The following PGAP2 variants were observed in gnomAD, a reference collection of about 807,000 sequenced individuals.
PGAP2 encodes acyltransferase PGAP2.
PGAP2 carries 21 observed loss-of-function variants against 33.2 expected under a neutral mutation model. That is an observed-to-expected ratio of 0.63 (90% CI 0.45 to 0.91). The LOEUF is 0.91. PGAP2 is among the 40% of genes least tolerant of loss of function. The pLI, the probability that PGAP2 is intolerant of heterozygous loss-of-function variation, is 0.00. For synonymous variants in PGAP2, 161 were observed against 172.9 expected, an observed-to-expected ratio of 0.93 and a Z score of 0.54; for missense variants, 345 against 424.0, an observed-to-expected ratio of 0.81 and a Z score of 1.64.
At chr11:3,798,018 GGCGCTGCTGGGAAGGCTTCCTA>G in intron 1 of PGAP2, 1 of 1,534,940 alleles carries the variant, frequency 6.5e-7, no homozygotes. Context: ...CCGGTCCGCC[GGCGCTGCTGGGAAGGCTTCCTA>G]GTCTCTCTGC....
intron 3 of PGAP2, among the ~76,000 whole-genome samples, chr11:3,820,660 C>CA (rs112247155): frequency 0.02 from 2,794 of 141,560 alleles, 61 homozygotes; most frequent in African/African-American, 0.063. Context: ...AACTCCATCT[C>CA]AAAAAAAAAA....
Position 3,824,285 on chromosome 11 carries a change from C to G in PGAP2, c.617C>G (p.Ala206Gly). 1 of 1,614,226 alleles carries G rather than the reference C, an allele frequency of 6.2e-7. No individual in the cohort carries two copies. The highest frequency in any genetic ancestry group is 1.1e-5 in the South Asian group (1 of 91,084). Reference sequence around the variant, plus strand: ...TTCCCTCCAGCCATCCACGAAAATGCTTTCATTGTGTTCATTGCCTCATCC... The same window carrying G: ...TTCCCTCCAGCCATCCACGAAAATGGTTTCATTGTGTTCATTGCCTCATCC... ...SSEDFTIHEN[A>G]FIVFIASSLG... The change falls in exon 5 of 7, where the codon GCT (alanine) becomes GGT (glycine). Residue 206 changes from alanine (A) to glycine (G), a missense_variant. Around this residue, in one of 2 missense-constraint regions of PGAP2, gnomAD observed 311 missense variants for 353.6 expected, o/e 0.88. Transcript: ENST00000278243.
intron 3 of PGAP2, among the ~76,000 whole-genome samples, chr11:3,820,405 A>G (rs1311065861): frequency 6.6e-6 from 1 of 152,214 alleles, no homozygotes; most frequent in African/African-American, 2.4e-5. Flanking sequence ...ATGGCTTGGC[A>G]TGTTGGCTCA....
At chr11:3,798,921 G>A (rs867687258) in intron 1 of PGAP2, among the ~76,000 whole-genome samples, 3 of 151,938 alleles carry the variant, frequency 2.0e-5, no homozygotes, top group Non-Finnish European at 4.4e-5. Context: ...GGCCTTACAG[G>A]CGTGAGCCAC....
chr11:3,824,014 C>T lies in PGAP2; in HGVS notation c.480C>T (p.Tyr160=). 1 of 1,614,150 alleles carries T rather than the reference C, an allele frequency of 6.2e-7. No homozygotes were observed. Among genetic ancestry groups the T allele is most frequent in the Non-Finnish European group, 8.5e-7 (1 of 1,180,024 alleles). ...FLVAFAYWNH[Y]LSCTSPCSCY... ...TGGCCTTCGCCTACTGGAACCACTACCTCAGCTGCACCTCCCCGTGTTCCT... is the reference window on the plus strand; with the variant it reads ...TGGCCTTCGCCTACTGGAACCACTATCTCAGCTGCACCTCCCCGTGTTCCT... The change falls in exon 4 of 7, where the codon TAC becomes TAT. Residue 160 remains tyrosine (Y), a synonymous_variant. Transcript: ENST00000278243.
At chr11:3,801,135 C>CA (rs34122688) in intron 1 of PGAP2, among the ~76,000 whole-genome samples, 96,330 of 146,954 alleles carry the variant, frequency 0.66, 32,318 homozygotes, top group East Asian at 0.8. Flanking sequence ...AGTCTGTCTT[C>CA]AAAAAAAAAA....
chr11:3,808,384 A>C, upstream of PGAP2: 1 of 1,546,562 alleles, frequency 6.5e-7, no homozygotes, highest in Non-Finnish European at 8.7e-7. Flanking sequence ...GGCTGCCCTC[A>C]CGCAGCCGAA....
rs1297532547 is a variant in PGAP2, at chr11:3,811,373, C to T, written c.114C>T (p.Ile38=). Residue 38 remains isoleucine, a synonymous_variant, in exon 2 of 7, where the codon ATC becomes ATT. Coordinates refer to ENST00000278243, the MANE Select transcript of PGAP2 (RefSeq NM_014489.4). The surrounding 1 kb of genome is among the most constrained non-coding windows in gnomAD (Gnocchi z 4.6). ...CACTTGTCGCCTTCCTCTTCTGCAT[C>T]CTCTGGTCCCTGCTCTTCCACTTCA... ...CCPLVAFLFC[I]LWSLLFHFKE... is the part of the protein sequence containing the mutation. 6.2e-7 allele frequency: 1 copy of T among 1,614,098 alleles called. No homozygotes were observed. Among genetic ancestry groups the T allele is most frequent in the South Asian group, 1.1e-5 (1 of 91,086 alleles).
At chr11:3,805,983 G>A (rs202192306), upstream of PGAP2, among the ~76,000 whole-genome samples, 14,281 of 144,688 alleles carry the variant, frequency 0.099, 836 homozygotes, top group Middle Eastern at 0.21. Context: ...CCACGCCCCC[G>A]CGAGACCTTG....
chr11:3,823,024 CTTTTTTTTTTTTTTT>C (rs746736798), intron 3 of PGAP2: 1,038 of 307,010 alleles, frequency 3.4e-3, no homozygotes, highest in Middle Eastern at 0.012. Flanking sequence ...TTTTTCTTTT[CTTTTTTTTTTTTTTT>C]TTTTTTTTTT....
chr11:3,820,781 C>T (rs965526063), intron 3 of PGAP2, among the ~76,000 whole-genome samples: 1 of 152,164 alleles, frequency 6.6e-6, no homozygotes, highest in Non-Finnish European at 1.5e-5. Flanking sequence ...CAAGATTATG[C>T]CACTGTACTC....
At chr11:3,806,170 A>G (rs538526430), upstream of PGAP2, among the ~76,000 whole-genome samples, 255 of 152,186 alleles carry the variant, frequency 1.7e-3, 1 homozygote, top group African/African-American at 5.8e-3. Context: ...ACCCAGCCTC[A>G]GGGAATGGTA....
At position 3,824,331 on chromosome 11, in the gene PGAP2, C is replaced by G; in HGVS notation, c.663C>G (p.Thr221=). 1 of 1,614,244 alleles carries G rather than the reference C, an allele frequency of 6.2e-7. No individual in the cohort carries two copies. The highest frequency in any genetic ancestry group is 2.2e-5 in the East Asian group (1 of 44,888). The change falls in exon 5 of 7, where the codon ACC becomes ACG. Residue 221 remains threonine (T), a synonymous_variant. Transcript: ENST00000278243. The part of the protein sequence containing the change: ...IASSLGHMLL[T]CILWRLTKKH... ...CATCCCTCGGGCACATGCTCCTCAC[C>G]TGCATTCTCTGGCGGTTGACCAAGA... is the stretch of plus-strand genomic sequence containing the variant.
At chr11:3,797,927 G>A in exon 1 of PGAP2, 1 of 1,548,118 alleles carries the variant, frequency 6.5e-7, no homozygotes, top group Non-Finnish European at 8.7e-7. Flanking sequence ...TTGGAGCGCC[G>A]CGACTCGGGC....
chr11:3,815,781 G>A (rs1182169472), intron 2 of PGAP2, among the ~76,000 whole-genome samples: 1 of 152,312 alleles, frequency 6.6e-6, no homozygotes, highest in East Asian at 1.9e-4. Context: ...TTCTGCACAG[G>A]TACAGGCTGA....
At position 3,826,262 on chromosome 11, in the gene PGAP2, CT is replaced by C. The variant is rs1168132532; in HGVS notation, c.*805del. The C allele has an allele frequency of 1.3e-5, 2 of 152,200 alleles. No individual in the cohort carries two copies. Among genetic ancestry groups the C allele is most frequent in the Non-Finnish European group, 2.9e-5 (2 of 68,034 alleles). The allele number at this position is 152,200 out of a possible 1,614,324, so 9.4% of individuals were successfully genotyped here. A position where few individuals can be genotyped will look rare whatever the true frequency, so the allele number is the denominator to read the frequency against. Reference sequence around the variant, plus strand: ...AGATCTCTACTGTAAAATGGGCTCCCTGGTATCTCCTGTCTTCCCTACTGCT... The same window carrying C: ...AGATCTCTACTGTAAAATGGGCTCCCGGTATCTCCTGTCTTCCCTACTGCT... On this transcript the variant is annotated 3_prime_UTR_variant, in exon 7 of 7. Coordinates refer to ENST00000278243, the MANE Select transcript of PGAP2 (RefSeq NM_014489.4).
upstream of PGAP2, chr11:3,808,286 T>G: frequency 6.4e-7 from 1 of 1,551,536 alleles, no homozygotes; most frequent in South Asian, 1.2e-5. Flanking sequence ...TTTGTGTTCT[T>G]TCAACAGGTA....
intron 3 of PGAP2, among the ~76,000 whole-genome samples, chr11:3,819,761 T>G (rs1242500347): frequency 6.6e-6 from 1 of 152,114 alleles, no homozygotes; most frequent in African/African-American, 2.4e-5. Context: ...TTGTTGCTGG[T>G]GCAGTCGATG....
At position 3,817,466 on chromosome 11, in the gene PGAP2, C is replaced by T. The variant is rs75812077; in HGVS notation, c.279C>T (p.Phe93=). 75 of 1,614,158 alleles carry T rather than the reference C, an allele frequency of 4.6e-5. No homozygotes were observed. In the East Asian group the frequency reaches 1.1e-3, roughly 23 times the overall value. ...MVWWAITFPV[F]GFFFCIIWSL... is the part of the protein sequence containing the mutation. Reference sequence around the variant, plus strand: ...GGTGGGCCATCACTTTTCCTGTGTTCGGCTTCTTCTTCTGCATCATCTGGT... The same window carrying T: ...GGTGGGCCATCACTTTTCCTGTGTTTGGCTTCTTCTTCTGCATCATCTGGT... Residue 93 remains phenylalanine, a synonymous_variant, in exon 3 of 7, where the codon TTC becomes TTT. Coordinates refer to ENST00000278243, the MANE Select transcript of PGAP2 (RefSeq NM_014489.4).
Sources: allele counts gnomAD v4.1 joint callset (sites outside exome capture counted in the v4.1 genomes callset), GRCh38; gene constraint gnomAD v4.1.1; regional missense constraint gnomAD v4.1.1; non-coding constraint Gnocchi (gnomAD v3.1); transcripts MANE v1.5; gene names NCBI Gene and HGNC (gene_info 2026-07-23, HGNC 2026-07-21).